HS6ST3: variants seen among roughly 807,000 people sequenced by gnomAD.
The protein encoded by HS6ST3 is heparan-sulfate 6-O-sulfotransferase 3.
Under a neutral mutation model 36.7 loss-of-function variants are expected in HS6ST3, and 12 were observed. The observed-to-expected ratio is 0.33, with a 90% CI of 0.21 to 0.53. HS6ST3 has a LOEUF of 0.53. HS6ST3 is among the 20% of genes least tolerant of loss of function. The pLI, the probability that HS6ST3 is intolerant of heterozygous loss-of-function variation, is 0.95. For missense variants in HS6ST3, 584 were observed against 640.9 expected, an observed-to-expected ratio of 0.91 and a Z score of 0.96; for synonymous variants, 240 against 257.5, an observed-to-expected ratio of 0.93 and a Z score of 0.65.
intron 1 of HS6ST3, among the ~76,000 whole-genome samples, chr13:96,677,379 G>A (rs2056702331): frequency 6.6e-6 from 1 of 152,048 alleles, no homozygotes; most frequent in African/African-American, 2.4e-5. Flanking sequence ...ATGGTATCTG[G>A]CTAGGTTGAA....
intron 1 of HS6ST3, among the ~76,000 whole-genome samples, chr13:96,376,796 T>A (rs939716379): frequency 1.3e-5 from 2 of 151,926 alleles, no homozygotes; most frequent in African/African-American, 4.8e-5. Flanking sequence ...TCTTCTCTGC[T>A]CTCCCTTTCC....
intron 1 of HS6ST3, among the ~76,000 whole-genome samples, chr13:96,775,731 A>G (rs151338350): frequency 0.02 from 3,063 of 152,280 alleles, 50 homozygotes; most frequent in Middle Eastern, 0.034. Context: ...CTCCCACACA[A>G]TAATAGTGGG....
At chr13:96,486,960 A>G (rs1053261074) in intron 1 of HS6ST3, among the ~76,000 whole-genome samples, 14 of 152,184 alleles carry the variant, frequency 9.2e-5, no homozygotes, top group African/African-American at 3.4e-4. Context: ...CAAAAGTTGT[A>G]TAAAGGGATA....
chr13:96,701,238 C>T (rs1167106359), intron 1 of HS6ST3, among the ~76,000 whole-genome samples: 1 of 152,186 alleles, frequency 6.6e-6, no homozygotes, highest in Non-Finnish European at 1.5e-5. Context: ...ATGATTAAAA[C>T]CCGCCTTTCA....
At chr13:96,203,539 A>G (rs1283132637) in intron 1 of HS6ST3, among the ~76,000 whole-genome samples, 1 of 152,146 alleles carries the variant, frequency 6.6e-6, no homozygotes, top group Admixed American at 6.5e-5. Flanking sequence ...ACTATCCTAA[A>G]CTAGTGTTAA....
intron 1 of HS6ST3, among the ~76,000 whole-genome samples, chr13:96,504,420 TG>T (rs2056017830): frequency 6.6e-6 from 1 of 152,122 alleles, no homozygotes; most frequent in Admixed American, 6.6e-5. Flanking sequence ...AAGGAGATTC[TG>T]AACAGGTGTT....
intron 1 of HS6ST3, among the ~76,000 whole-genome samples, chr13:96,243,674 C>T (rs1021952086): frequency 6.6e-6 from 1 of 152,022 alleles, no homozygotes; most frequent in African/African-American, 2.4e-5. Context: ...GTCACAACAG[C>T]TTTTATTTTA....
intron 1 of HS6ST3, among the ~76,000 whole-genome samples, chr13:96,539,541 G>A (rs976427605): frequency 1.8e-4 from 27 of 152,040 alleles, no homozygotes; most frequent in Non-Finnish European, 3.5e-4. Flanking sequence ...ATTTTTAGTA[G>A]AGACAGGGTT....
At chr13:96,804,630 A>T (rs1435975790) in intron 1 of HS6ST3, among the ~76,000 whole-genome samples, 1 of 150,692 alleles carries the variant, frequency 6.6e-6, no homozygotes, top group East Asian at 1.9e-4. Context: ...TTTTTTTTTT[A>T]GCGATTGTGA....
At chr13:96,329,191 C>T (rs2055050816) in intron 1 of HS6ST3, among the ~76,000 whole-genome samples, 1 of 146,602 alleles carries the variant, frequency 6.8e-6, no homozygotes, top group Admixed American at 6.7e-5. Flanking sequence ...TTCAGTTCTG[C>T]TCTGATTTTA....
At position 96,688,606 on chromosome 13, in the gene HS6ST3, A is replaced by C. The variant is rs1157187346; in HGVS notation, c.708-143884A>C. ...TCTAACCCCATCAACTGTCAAATTA[A>C]CAACCTCTAAATTTAAGAGTGTTTT... is the stretch of plus-strand genomic sequence containing the variant. On this transcript the variant is annotated intron_variant, in intron 1 of 1. Transcript: ENST00000376705. Among the ~76,000 whole-genome samples, 7 of 152,218 alleles carry C rather than the reference A, an allele frequency of 4.6e-5. No homozygotes were observed. The South Asian group carries it at 1.0e-3, about 23-fold the overall frequency.
chr13:96,281,608 C>T lies in HS6ST3; in HGVS notation c.707+190039C>T, dbSNP rs9584355. 9.4e-3 allele frequency among the ~76,000 whole-genome samples: 1,430 copies of T among 152,224 alleles called. 14 individuals are homozygous for T. Among genetic ancestry groups the T allele is most frequent in the African/African-American group, 0.032 (1,335 of 41,542 alleles). On this transcript the variant is annotated intron_variant, in intron 1 of 1. Transcript: ENST00000376705. ...CACCAGTCTGAAGTGGTTAACTTGC[C>T]TGCATTCAGAAGTATTTACTAGACA...
At chr13:96,332,106 G>A (rs556944140) in intron 1 of HS6ST3, among the ~76,000 whole-genome samples, 44 of 152,298 alleles carry the variant, frequency 2.9e-4, no homozygotes, top group African/African-American at 4.8e-4. Context: ...AGATGAACCC[G>A]GTACCTCAGA....
intron 1 of HS6ST3, among the ~76,000 whole-genome samples, chr13:96,132,494 C>T (rs993420293): frequency 4.6e-5 from 7 of 151,938 alleles, no homozygotes; most frequent in African/African-American, 1.2e-4. Context: ...ACAGCCTCGA[C>T]CTTACAGGCC....
intron 1 of HS6ST3, among the ~76,000 whole-genome samples, chr13:96,669,926 G>A (rs1251802025): frequency 6.6e-6 from 1 of 152,064 alleles, no homozygotes; most frequent in Admixed American, 6.5e-5. Context: ...ACACTGGTGT[G>A]GAGTTCAGGA....
chr13:96,357,086 C>T (rs901252642), intron 1 of HS6ST3, among the ~76,000 whole-genome samples: 2 of 152,212 alleles, frequency 1.3e-5, no homozygotes, highest in Non-Finnish European at 2.9e-5. Flanking sequence ...CTTCTCTCAG[C>T]CTTCCTAGAA....
intron 1 of HS6ST3, among the ~76,000 whole-genome samples, chr13:96,624,501 A>G (rs974825342): frequency 4.6e-5 from 7 of 152,158 alleles, no homozygotes; most frequent in Non-Finnish European, 8.8e-5. Flanking sequence ...TCACAAGGGT[A>G]TATTGTGTAA....
chr13:96,106,786 A>G (rs1050025396), intron 1 of HS6ST3, among the ~76,000 whole-genome samples: 1 of 152,230 alleles, frequency 6.6e-6, no homozygotes, highest in African/African-American at 2.4e-5. Flanking sequence ...ATTAGCTGAG[A>G]GTCGTGAGGA....
intron 1 of HS6ST3, among the ~76,000 whole-genome samples, chr13:96,729,955 C>T (rs759630519): frequency 2.3e-4 from 35 of 152,156 alleles, no homozygotes; most frequent in Admixed American, 1.2e-3. Flanking sequence ...CTTCTCTCAC[C>T]TCTGAGACAT....
Sources: gnomAD v4.1 joint callset for allele counts (sites outside exome capture counted in the v4.1 genomes callset) on GRCh38, gnomAD v4.1.1 for gene constraint, MANE v1.5 for transcripts, NCBI Gene and HGNC (gene_info 2026-07-23, HGNC 2026-07-21) for gene names.